Variants in ATG2A observed in about 807,000 individuals in gnomAD.
ATG2A encodes the protein autophagy-related protein 2 homolog A.
A neutral mutation model predicts 214.2 loss-of-function variants in ATG2A; 103 were observed. That is an observed-to-expected ratio of 0.48 (90% CI 0.41 to 0.57). The LOEUF is 0.57. ATG2A is among the 20% of genes least tolerant of loss of function. The pLI is 0.00. For synonymous variants in ATG2A, 1,160 were observed against 1,142.1 expected (o/e 1.02, Z -0.32); for missense variants, 2,312 against 2,613.2 (o/e 0.88, Z 2.51).
chr11:64,898,033 T>C lies in ATG2A; in HGVS notation c.4858+53A>G. On this transcript the variant is annotated intron_variant, in intron 34 of 40. Coordinates refer to ENST00000377264, the MANE Select transcript of ATG2A (RefSeq NM_015104.3). This position sits in a 1 kb window ranked among gnomAD's most constrained non-coding sequence, Gnocchi z 4.5. ...GCCAGGAATGACTGGGAACCTGTGC[T>C]GTCCTGGGAGGCAGAAGGCCCAGAC... is the stretch of plus-strand genomic sequence containing the variant. 6.2e-7 allele frequency: 1 copy of C among 1,606,006 alleles called. No individual in the cohort carries two copies. The highest frequency in any genetic ancestry group is 1.7e-5 in the Admixed American group (1 of 59,080).
rs1459764810 is a variant in ATG2A at position 64,903,298 on chromosome 11, T to C, written c.3602A>G (p.Glu1201Gly). ...LVIKTWKGST[E>G]GKLSQPLFEL... ...GACAGCCTCACTCACCAGTTTGCCC[T>C]CGGTGCTCCCTTTCCAGGTTTTAAT... Residue 1201 changes from glutamate (E) to glycine (G), a missense_variant, in exon 26 of 41, where the codon GAG becomes GGG. Coordinates refer to ENST00000377264, the MANE Select transcript of ATG2A (RefSeq NM_015104.3). The surrounding 1 kb of genome is among the most constrained non-coding windows in gnomAD (Gnocchi z 4.2). The C allele has an allele frequency of 1.9e-6, 3 of 1,613,838 alleles. No homozygotes were observed. Among genetic ancestry groups the C allele is most frequent in the African/African-American group, 1.3e-5 (1 of 74,922 alleles).
intron 1 of ATG2A, 141 bp from the exon 2 acceptor site, chr11:64,914,641 A>G: frequency 1.8e-6 from 2 of 1,126,206 alleles, no homozygotes; most frequent in African/African-American, 1.6e-5. Context: ...GGTCCCACCT[A>G]TGCTCATGCT....
rs1307658641 is a variant in ATG2A, at chr11:64,914,318, C to A, written c.334+20G>T. ...CCCACTCTCCCCACTTGCCTGCCCC[C>A]AGCCTCGCCCTGCCCTCACCTGGAC... is the stretch of plus-strand genomic sequence containing the variant. On this transcript the variant is annotated intron_variant, in intron 2 of 40. Transcript: ENST00000377264. 5 of 1,578,162 alleles carry A rather than the reference C, an allele frequency of 3.2e-6. No homozygotes were observed. The South Asian group carries it at 5.8e-5, about 18-fold the overall frequency.
At chr11:64,897,021 G>A in intron 37 of ATG2A, 152 bp from the exon 38 acceptor site, 1 of 1,082,288 alleles carries the variant, frequency 9.2e-7, no homozygotes, top group South Asian at 1.7e-5. Flanking sequence ...GAGGGACTGT[G>A]TCCTTTTTTT....
Position 64,898,571 on chromosome 11 carries a change from C to T in ATG2A, c.4671+65G>A, listed in dbSNP as rs1005360342. 5.9e-5 allele frequency: 92 copies of T among 1,558,764 alleles called. No homozygotes were observed. The highest frequency in any genetic ancestry group is 6.7e-5 in the South Asian group (6 of 89,136). ...GTGTATGTGTGTGAATCCATGCATGCGTGAAGATGTATCCCCAACGGTCTG... is the reference window on the plus strand; with the variant it reads ...GTGTATGTGTGTGAATCCATGCATGTGTGAAGATGTATCCCCAACGGTCTG... On this transcript the variant is annotated intron_variant, in intron 32 of 40. Coordinates refer to ENST00000377264, the MANE Select transcript of ATG2A (RefSeq NM_015104.3). The surrounding 1 kb of genome is among the most constrained non-coding windows in gnomAD (Gnocchi z 4.5).
chr11:64,895,397 C>T lies in ATG2A; in HGVS notation c.5473G>A (p.Val1825Ile), dbSNP rs148192310. 1.5e-3 allele frequency: 2,378 copies of T among 1,607,706 alleles called. 34 individuals are homozygous for T. In the African/African-American group the frequency reaches 0.028, roughly 19 times the overall value. The change falls in exon 40 of 41, where the codon GTC becomes ATC. Residue 1825 changes from valine (V) to isoleucine (I), a missense_variant. By Grantham distance (29) the Val-to-Ile change is conservative. Coordinates refer to ENST00000377264, the MANE Select transcript of ATG2A (RefSeq NM_015104.3). The surrounding 1 kb of genome is among the most constrained non-coding windows in gnomAD (Gnocchi z 5.0). ...CGCTTATCCTGCAGGGAGCGGGAGA[C>T]GGGGGCTGCCGGGGACAGGATGTCA... ...VYDILSPAAP[V>I]SRSLQDKRSA...
At chr11:64,916,637 C>T (rs1163861258) in intron 1 of ATG2A, among the ~76,000 whole-genome samples, 1 of 152,116 alleles carries the variant, frequency 6.6e-6, no homozygotes, top group Non-Finnish European at 1.5e-5. Context: ...GCTCCCTCCC[C>T]AGCCCCTCCT....
Position 64,913,464 on chromosome 11 carries a change from C to G in ATG2A, c.591-63G>C. On this transcript the variant is annotated intron_variant, in intron 4 of 40. Transcript: ENST00000377264. The surrounding 1 kb of genome is among the most constrained non-coding windows in gnomAD (Gnocchi z 4.3). ...CAGGCCTGGAGCCCCTCTCTCCACA[C>G]AGTGCTCTGCTCTAGGGGCACGGGG... 6.7e-7 allele frequency: 1 copy of G among 1,490,884 alleles called. No homozygotes were observed. Among genetic ancestry groups the G allele is most frequent in the Non-Finnish European group, 9.0e-7 (1 of 1,115,730 alleles). The allele number at this position is 1,490,884 out of a possible 1,614,324, so 92.4% of individuals were successfully genotyped here.
Position 64,913,606 on chromosome 11 carries a change from T to G in ATG2A, c.591-205A>C. Reference sequence around the variant, plus strand: ...CTCAGACCCTCAGCATCTAACTTGGTTCTTGGGGCCTCGGCCACTCTGGGC... The same window carrying G: ...CTCAGACCCTCAGCATCTAACTTGGGTCTTGGGGCCTCGGCCACTCTGGGC... On this transcript the variant is annotated intron_variant, in intron 4 of 40. Transcript: ENST00000377264. This position sits in a 1 kb window ranked among gnomAD's most constrained non-coding sequence, Gnocchi z 4.3. 1 of 830,548 alleles carries G rather than the reference T, an allele frequency of 1.2e-6. No homozygotes were observed. Among genetic ancestry groups the G allele is most frequent in the Non-Finnish European group, 1.8e-6 (1 of 546,762 alleles). 51.4% of individuals were successfully genotyped at this position (830,548 alleles called of 1,614,324 possible).
At position 64,900,872 on chromosome 11, in the gene ATG2A, G is replaced by T; in HGVS notation, c.4328+12C>A. 4 of 1,549,312 alleles carry T rather than the reference G, an allele frequency of 2.6e-6. No individual in the cohort carries two copies. The highest frequency in any genetic ancestry group is 3.5e-6 in the Non-Finnish European group (4 of 1,147,384). On this transcript the variant is annotated intron_variant, in intron 30 of 40. Transcript: ENST00000377264. ...CCTTCACCAGCTGCCACCTGCACCC[G>T]CTCCTCCTCACCTGTGGCCGGGGTG...
At position 64,912,099 on chromosome 11, in the gene ATG2A, T is replaced by C; in HGVS notation, c.1073A>G (p.Asn358Ser). The change falls in exon 8 of 41, where the codon AAC becomes AGC. Residue 358 changes from asparagine (N) to serine (S), a missense_variant. Coordinates refer to ENST00000377264, the MANE Select transcript of ATG2A (RefSeq NM_015104.3). ...SPDPLTNPLL[N>S]LDNTDLFFSM... ...CCCACACCCACCAGTGTTATCCAGGTTGAGAAGGGGGTTGGTAAGGGGGTC... is the reference window on the plus strand; with the variant it reads ...CCCACACCCACCAGTGTTATCCAGGCTGAGAAGGGGGTTGGTAAGGGGGTC... 1 of 1,613,370 alleles carries C rather than the reference T, an allele frequency of 6.2e-7. No individual in the cohort carries two copies. The highest frequency in any genetic ancestry group is 1.1e-5 in the South Asian group (1 of 91,036).
chr11:64,910,311 A>C, intron 12 of ATG2A, 116 bp from the exon 13 acceptor site: 1 of 1,413,476 alleles, frequency 7.1e-7, no homozygotes, highest in Non-Finnish European at 9.4e-7. Context: ...GAGCACTAAG[A>C]AGGCCTGCCC....
chr11:64,906,566 CCAA>C (rs1406880291), intron 20 of ATG2A, 33 bp from the exon 21 acceptor site: 1 of 1,609,258 alleles, frequency 6.2e-7, no homozygotes, highest in Non-Finnish European at 8.5e-7. Context: ...CCCTGCCAAG[CCAA>C]CTGGCTACCC....
chr11:64,912,471 C>A (rs754219769), intron 6 of ATG2A, 48 bp from the exon 7 acceptor site: 2 of 1,465,402 alleles, frequency 1.4e-6, no homozygotes. Context: ...CCACCCAGCT[C>A]CTCTAAGAGC....
chr11:64,912,301 A>G (rs762312575), intron 7 of ATG2A, 26 bp downstream of exon 7: 15 of 929,092 alleles, frequency 1.6e-5, no homozygotes, highest in Non-Finnish European at 2.2e-5. Context: ...CAGCCACCCC[A>G]CCCCCATGCC....
chr11:64,903,421 A>G lies in ATG2A; in HGVS notation c.3536-57T>C. On this transcript the variant is annotated intron_variant, in intron 25 of 40. Transcript: ENST00000377264. This position sits in a 1 kb window ranked among gnomAD's most constrained non-coding sequence, Gnocchi z 4.2. Reference sequence around the variant, plus strand: ...CCCCCTTCCACCCGGCCCCGGCCCCAGCACCTGGGGGAAGGATCCGGTTGA... The same window carrying G: ...CCCCCTTCCACCCGGCCCCGGCCCCGGCACCTGGGGGAAGGATCCGGTTGA... 6.3e-7 allele frequency: 1 copy of G among 1,592,172 alleles called. No homozygotes were observed. The highest frequency in any genetic ancestry group is 8.6e-7 in the Non-Finnish European group (1 of 1,162,590).
chr11:64,912,450 G>A (rs1429632703), intron 6 of ATG2A, 27 bp from the exon 7 acceptor site: 1 of 1,528,364 alleles, frequency 6.5e-7, no homozygotes, highest in Non-Finnish European at 8.8e-7. Flanking sequence ...CAGCCATGGA[G>A]CCTAGGCCCA....
At chr11:64,916,901 G>A (rs1945010360) in intron 1 of ATG2A, 64 bp downstream of exon 1, 1 of 1,590,084 alleles carries the variant, frequency 6.3e-7, no homozygotes, top group African/African-American at 1.3e-5. Flanking sequence ...TCCTGCCGCA[G>A]GGAGCCTCAG....
At chr11:64,909,639 C>T (rs891284338) in intron 14 of ATG2A, 42 bp downstream of exon 14, 1 of 1,598,902 alleles carries the variant, frequency 6.3e-7, no homozygotes, top group Non-Finnish European at 8.5e-7. Flanking sequence ...CTCCCAGAAG[C>T]CAGGCCTCTT....
Sources: gnomAD v4.1 joint callset for allele counts (sites outside exome capture counted in the v4.1 genomes callset) on GRCh38, gnomAD v4.1.1 for gene constraint, Gnocchi (gnomAD v3.1) non-coding constraint, MANE v1.5 for transcripts, NCBI Gene and HGNC (gene_info 2026-07-23, HGNC 2026-07-21) for gene names.